CCDC14: variants seen among roughly 807,000 people sequenced by gnomAD.
The protein encoded by CCDC14 is coiled-coil domain containing 14, also known as coiled-coil domain-containing protein 14.
In CCDC14, 71 loss-of-function variants were observed where a neutral mutation model predicts 81.4. That is an observed-to-expected ratio of 0.87 (90% CI 0.72 to 1.06). The LOEUF (loss-of-function observed/expected upper bound fraction) is 1.06, where lower values mean the gene tolerates loss of function less well. Ranked by LOEUF, CCDC14 falls within the 50% of genes least tolerant of loss-of-function variation. The pLI is 0.00. For synonymous variants in CCDC14, 332 were observed against 364.8 expected, an observed-to-expected ratio of 0.91 and a Z score of 1.03; for missense variants, 1,046 against 1,047.3, an observed-to-expected ratio of 1.00 and a Z score of 0.02.
chr3:123,934,295 A>AG (rs61067432), intron 9 of CCDC14, among the ~76,000 whole-genome samples: 2 of 146,152 alleles, frequency 1.4e-5, no homozygotes, highest in African/African-American at 5.1e-5. Flanking sequence ...AAAAAAAAAA[A>AG]CCCTCATGAG....
At chr3:123,927,681 G>A (rs1024007594) in intron 12 of CCDC14, among the ~76,000 whole-genome samples, 1 of 151,920 alleles carries the variant, frequency 6.6e-6, no homozygotes, top group Non-Finnish European at 1.5e-5. Flanking sequence ...TTAGTCTTAC[G>A]AAAAGGAGAG....
chr3:123,897,548 T>C, exon 6 of CCDC14: 1 of 1,073,562 alleles, frequency 9.3e-7, no homozygotes, highest in Non-Finnish European at 1.2e-6. Context: ...TTTCCGTAGT[T>C]CATGTACTGT....
At position 123,947,119 on chromosome 3, in the gene CCDC14, C is replaced by G. The variant is rs529268315; in HGVS notation, c.885G>C (p.Lys295Asn). ...NGILPQQGIH[K>N]ETDLLKCIQT... ...GAATACATTTTAGTAGGTCTGTTTC[C>G]TTATGAATTCCTTGTTGTGGCAGAA... Residue 295 changes from lysine to asparagine, a missense_variant, in exon 8 of 13, where the codon AAG becomes AAC. Coordinates refer to ENST00000409697, the MANE Select transcript of CCDC14 (RefSeq NM_001366335.1). The G allele has an allele frequency of 6.2e-7, 1 of 1,613,928 alleles. No homozygotes were observed. Among genetic ancestry groups the G allele is most frequent in the Non-Finnish European group, 8.5e-7 (1 of 1,179,858 alleles).
At position 123,920,556 on chromosome 3, in the gene CCDC14, C is replaced by G. The variant is rs560137686; in HGVS notation, c.1779-4838G>C. On this transcript the variant is annotated intron_variant, in intron 12 of 12. Transcript: ENST00000409697. ...TCAATATGGCTAACAGTGGACTTCT[C>G]AACAAAAACAACCTGTCAACCAAGA... Among the ~76,000 whole-genome samples the G allele has an allele frequency of 2.6e-5, 4 of 152,280 alleles. No individual in the cohort carries two copies. In the East Asian group the frequency reaches 7.7e-4, roughly 29 times the overall value.
chr3:123,948,742 GGAGGT>G lies in CCDC14; in HGVS notation c.628_632del (p.Thr210HisfsTer18). ...GCCGCTGAAGTGACCAGACTGGGGT[GGAGGT>G]ACATAAGCCATAACTAGAATGAGGA... On this transcript the variant is annotated frameshift_variant, in exon 7 of 13. Transcript: ENST00000409697. LOFTEE classifies it high-confidence loss of function. 3 of 1,602,226 alleles carry G rather than the reference GGAGGT, an allele frequency of 1.9e-6. No individual in the cohort carries two copies. Among genetic ancestry groups the G allele is most frequent in the Non-Finnish European group, 2.5e-6 (3 of 1,177,134 alleles).
Position 123,956,384 on chromosome 3 carries a change from A to T in CCDC14, c.130T>A (p.Tyr44Asn), listed in dbSNP as rs1295779775. Residue 44 changes from tyrosine to asparagine, a missense_variant, in exon 3 of 13, where the codon TAT becomes AAT. Coordinates refer to ENST00000409697, the MANE Select transcript of CCDC14 (RefSeq NM_001366335.1). ...KIPRFNADSG[Y>N]SIHSDSESQA... ...CTTTCTGAATCAGAATGGATGGAATAGCCAGAATCTGCATTAAAACGTGGT... is the reference window on the plus strand; with the variant it reads ...CTTTCTGAATCAGAATGGATGGAATTGCCAGAATCTGCATTAAAACGTGGT... 8 of 1,548,082 alleles carry T rather than the reference A, an allele frequency of 5.2e-6. No individual in the cohort carries two copies. The highest frequency in any genetic ancestry group is 1.4e-5 in the African/African-American group (1 of 72,938).
chr3:123,941,776 A>T (rs1228602874), intron 9 of CCDC14, among the ~76,000 whole-genome samples: 2 of 152,056 alleles, frequency 1.3e-5, no homozygotes, highest in African/African-American at 4.8e-5. Context: ...TTTTAAAAAA[A>T]CTAGAAACAA....
rs1559780048 is a variant in CCDC14 at position 123,931,338 on chromosome 3, A to G, written c.1615T>C (p.Tyr539His). ...DQTILENKQQ[Y>H]DIEITRIKIE... ...TTTATTCTTGTTATCTCAATATCAT[A>G]TTGCTGTTTATTTTCAAGTATAGTT... Residue 539 changes from tyrosine to histidine, a missense_variant, in exon 11 of 13, where the codon TAT (tyrosine) becomes CAT (histidine). Transcript: ENST00000409697. 1 of 1,519,852 alleles carries G rather than the reference A, an allele frequency of 6.6e-7. No individual in the cohort carries two copies. The highest frequency in any genetic ancestry group is 8.9e-7 in the Non-Finnish European group (1 of 1,118,016). The allele number at this position is 1,519,852 out of a possible 1,614,324, so 94.1% of individuals were successfully genotyped here. A position where few individuals can be genotyped will look rare whatever the true frequency, so the allele number is the denominator to read the frequency against.
chr3:123,958,027 T>C (rs1393367703), intron 1 of CCDC14: 1 of 152,136 alleles, frequency 6.6e-6, no homozygotes, highest in Non-Finnish European at 1.5e-5. Flanking sequence ...TCACTGAGAA[T>C]ACATTTTTTA....
Position 123,956,721 on chromosome 3 carries a change from A to G in CCDC14, c.86+19T>C, listed in dbSNP as rs2037347376. The G allele has an allele frequency of 1.9e-6, 3 of 1,538,934 alleles. No homozygotes were observed. The South Asian group carries it at 3.6e-5, about 19-fold the overall frequency. ...AAATTCCTTGAAATCTGAAGTTGTAAACGTCTTCAAGTACTTACGCTTTCT... is the reference window on the plus strand; with the variant it reads ...AAATTCCTTGAAATCTGAAGTTGTAGACGTCTTCAAGTACTTACGCTTTCT... On this transcript the variant is annotated intron_variant, in intron 2 of 12. Transcript: ENST00000409697.
rs2034091985 is a variant in CCDC14 at position 123,897,606 on chromosome 3, T to A, written c.676A>T (p.Lys226Ter). ...TGCAGAACATTTAAGTCCACAGTTT[T>A]AAAAAGTCTGAAAGAATAGAAATGA... The change falls in exon 6 of 6, where the codon AAA becomes TAA. Residue 226 changes from lysine to a stop codon, truncating the protein, a stop_gained. Coordinates refer to the CCDC14 transcript ENST00000479903. LOFTEE classifies it low-confidence loss of function (END_TRUNC). 8.4e-7 allele frequency: 1 copy of A among 1,194,816 alleles called. No homozygotes were observed. Among genetic ancestry groups the A allele is most frequent in the South Asian group, 1.5e-5 (1 of 66,154 alleles). 74.0% of individuals were successfully genotyped at this position (1,194,816 alleles called of 1,614,324 possible).
intron 7 of CCDC14, among the ~76,000 whole-genome samples, chr3:123,948,209 TAATA>T (rs2036771046): frequency 1.3e-5 from 2 of 151,474 alleles, no homozygotes; most frequent in African/African-American, 4.9e-5. Context: ...TTATTGTCAT[TAATA>T]AATAGGTAAA....
chr3:123,933,835 G>A (rs1167477024), intron 9 of CCDC14, 80 bp from the exon 10 acceptor site: 2 of 942,016 alleles, frequency 2.1e-6, no homozygotes, highest in African/African-American at 1.7e-5. Flanking sequence ...TATCAAAAAA[G>A]ATAAAACATA....
chr3:123,902,424 G>A (rs772014721), intron 5 of CCDC14, among the ~76,000 whole-genome samples: 3 of 152,184 alleles, frequency 2.0e-5, no homozygotes, highest in Non-Finnish European at 2.9e-5. Context: ...GACTCCTGAT[G>A]GAGAAACAAT....
intron 9 of CCDC14, 107 bp downstream of exon 9, chr3:123,944,742 A>T: frequency 1.4e-6 from 1 of 706,994 alleles, no homozygotes; most frequent in South Asian, 3.9e-5. Flanking sequence ...ACAGTAAGAC[A>T]GCAAATAAAT....
At position 123,961,227 on chromosome 3, in the gene CCDC14, A is replaced by C. The variant is rs533437462; in HGVS notation, c.-54T>G. On this transcript the variant is annotated 5_prime_UTR_variant, in exon 1 of 13. Coordinates refer to ENST00000409697, the MANE Select transcript of CCDC14 (RefSeq NM_001366335.1). The stretch of plus-strand genomic sequence containing the variant: ...GAGGGAAGTGAAGCCTCACGGTAAA[A>C]AGAATTAACCGCCGTGGGCTCCCGG... 6.4e-6 allele frequency: 10 copies of C among 1,551,488 alleles called. No homozygotes were observed. The South Asian group carries it at 1.1e-4, about 17-fold the overall frequency.
chr3:123,961,084 C>A (rs2037657370), intron 1 of CCDC14, 60 bp downstream of exon 1: 3 of 1,421,128 alleles, frequency 2.1e-6, no homozygotes, highest in Non-Finnish European at 1.9e-6. Context: ...GTTCCTGGCC[C>A]GAAAACCCCC....
intron 12 of CCDC14, among the ~76,000 whole-genome samples, chr3:123,916,671 T>C (rs1052800835): frequency 3.3e-5 from 5 of 152,128 alleles, no homozygotes; most frequent in Non-Finnish European, 7.4e-5. Flanking sequence ...TCATTTAACC[T>C]TTCTGAATCT....
chr3:123,933,690 A>G lies in CCDC14; in HGVS notation c.1409T>C (p.Val470Ala). The G allele has an allele frequency of 6.4e-7, 1 of 1,573,394 alleles. No individual in the cohort carries two copies. Among genetic ancestry groups the G allele is most frequent in the Non-Finnish European group, 8.6e-7 (1 of 1,156,694 alleles). The change falls in exon 10 of 13, where the codon GTG (valine) becomes GCG (alanine). Residue 470 changes from valine (V) to alanine (A), a missense_variant. By Grantham distance (64) the Val-to-Ala change is moderately conservative. Coordinates refer to ENST00000409697, the MANE Select transcript of CCDC14 (RefSeq NM_001366335.1). ...TTACCTACATTCAAGGTTGCAATCC[A>G]CAGCACCAGATGGTTTTTGAGTTTT... is the stretch of plus-strand genomic sequence containing the variant. ...QQKTQKPSGA[V>A]DCNLELFSLQ... is the part of the protein sequence containing the mutation.
Sources: allele counts gnomAD v4.1 joint callset (sites outside exome capture counted in the v4.1 genomes callset), GRCh38; gene constraint gnomAD v4.1.1; transcripts MANE v1.5; gene names NCBI Gene and HGNC (gene_info 2026-07-23, HGNC 2026-07-21).